EPG5: variants seen among roughly 807,000 people sequenced by gnomAD.
The protein encoded by EPG5 is ectopic P-granules 5 autophagy tethering factor, also known as ectopic P granules protein 5 homolog.
Under a neutral mutation model 302.7 loss-of-function variants are expected in EPG5, and 159 were observed. The ratio of observed to expected loss-of-function variants is 0.53; its 90% confidence interval spans 0.46 to 0.60. EPG5 has a LOEUF of 0.60. EPG5 is among the 20% of genes least tolerant of loss of function. The probability of loss-of-function intolerance (pLI) is 0.00; values close to 1 mark genes in which losing one functional copy is unlikely to be tolerated. For missense variants in EPG5, 2,896 were observed against 3,092.4 expected, an observed-to-expected ratio of 0.94 and a Z score of 1.51; for synonymous variants, 1,158 against 1,136.8, an observed-to-expected ratio of 1.02 and a Z score of -0.37.
At chr18:45,918,653 A>G (rs1343508073) in intron 16 of EPG5, among the ~76,000 whole-genome samples, 1 of 152,238 alleles carries the variant, frequency 6.6e-6, no homozygotes, top group Non-Finnish European at 1.5e-5. Context: ...GACTTAAGGC[A>G]ATTTTAGAAA....
chr18:45,884,440 C>A (rs1419917280), intron 30 of EPG5, among the ~76,000 whole-genome samples, 177 bp downstream of exon 30: 3 of 152,154 alleles, frequency 2.0e-5, no homozygotes, highest in Admixed American at 1.3e-4. Flanking sequence ...TGCCCCACCC[C>A]CTAAGAAGCA....
chr18:45,804,287 G>T, the EPG5 span, among the ~76,000 whole-genome samples: 1 of 152,040 alleles, frequency 6.6e-6, no homozygotes, highest in Non-Finnish European at 1.5e-5. Context: ...GTACCTAAAG[G>T]GTGGTATTGA....
chr18:45,870,683 C>T lies in EPG5; in HGVS notation c.6109G>A (p.Ala2037Thr). The stretch of plus-strand genomic sequence containing the variant: ...TCTGGCATTTTGGGTGCTGTACATG[C>T]TTCACAATAATGCATCAGGTGCAAC... ...LWLHLMHYCE[A>T]CTAPKMPEFI... Residue 2037 changes from alanine (A) to threonine (T), a missense_variant, in exon 36 of 44, where the codon GCA becomes ACA. Physicochemically the swap from Ala to Thr is moderately conservative, Grantham distance 58 (BLOSUM62 0). This residue lies in a region of EPG5 where 620 missense variants were observed against 704.2 expected (regional missense o/e 0.88). Transcript: ENST00000282041. 2 of 1,613,242 alleles carry T rather than the reference C, an allele frequency of 1.2e-6. No homozygotes were observed. Among genetic ancestry groups the T allele is most frequent in the Non-Finnish European group, 1.7e-6 (2 of 1,179,688 alleles).
Position 45,938,449 on chromosome 18 carries a change from G to A in EPG5, c.2099+1151C>T, listed in dbSNP as rs1448823437. Reference sequence around the variant, plus strand: ...TACACTCCAGCCTGGGCAACAAAGTGAGACTCCATCTCAAAAAAAAAAAAA... The same window carrying A: ...TACACTCCAGCCTGGGCAACAAAGTAAGACTCCATCTCAAAAAAAAAAAAA... On this transcript the variant is annotated intron_variant, in intron 10 of 43. Transcript: ENST00000282041. Among the ~76,000 whole-genome samples the A allele has an allele frequency of 2.8e-5, 4 of 141,884 alleles. No individual in the cohort carries two copies. The South Asian group carries it at 8.9e-4, about 32-fold the overall frequency. 93.1% of individuals were successfully genotyped at this position (141,884 alleles called of 152,430 possible). A position where few individuals can be genotyped will look rare whatever the true frequency, so the allele number is the denominator to read the frequency against.
the EPG5 span, among the ~76,000 whole-genome samples, chr18:45,839,930 C>A: frequency 6.6e-6 from 1 of 152,142 alleles, no homozygotes; most frequent in East Asian, 1.9e-4. Flanking sequence ...GCTGTGGCCA[C>A]AATGGCTTTC....
At chr18:45,839,116 G>A in the EPG5 span, 3 of 1,365,182 alleles carry the variant, frequency 2.2e-6, no homozygotes, top group East Asian at 6.1e-5. Flanking sequence ...CCCAGACACG[G>A]GTGGCCGCGA....
chr18:45,909,996 G>GT (rs1257142383), intron 23 of EPG5, among the ~76,000 whole-genome samples: 1 of 151,866 alleles, frequency 6.6e-6, no homozygotes, highest in Non-Finnish European at 1.5e-5. Flanking sequence ...TTCTAGCAAG[G>GT]TTTTTTTGTA....
rs763310193 is a variant in EPG5 at position 45,889,958 on chromosome 18, T to C, written c.4810-18A>G. On this transcript the variant is annotated intron_variant, in intron 27 of 43. Coordinates refer to ENST00000282041, the MANE Select transcript of EPG5 (RefSeq NM_020964.3). ...CCTTCAAACTAACAAAAATTAAAGT[T>C]ATCAAAAGACATTTCCCCCCATGTG... The C allele has an allele frequency of 1.0e-5, 16 of 1,547,112 alleles. No homozygotes were observed.
chr18:45,830,689 G>A, the EPG5 span, among the ~76,000 whole-genome samples: 7 of 140,566 alleles, frequency 5.0e-5, no homozygotes, highest in South Asian at 2.3e-4. Flanking sequence ...AGGTTCAAGC[G>A]AGTCTCCTGC....
rs9965714 is a variant in EPG5, at chr18:45,916,155, A to G, written c.3436T>C (p.Leu1146=). The change falls in exon 19 of 44, where the codon TTG becomes CTG. Residue 1146 remains leucine, a synonymous_variant. Coordinates refer to ENST00000282041, the MANE Select transcript of EPG5 (RefSeq NM_020964.3). ...ATGAGAGCCTGAACCCAGAACTCCA[A>G]CACAGCAACGGGGCCCACTTCATTG... ...QPNEVGPVAV[L]EFWVQALISQ... The G allele has an allele frequency of 6.4e-4, 1,033 of 1,614,118 alleles. 6 individuals carry two copies. In the African/African-American group the frequency reaches 0.012, roughly 19 times the overall value.
In EPG5 at chr18:45,879,224, A is replaced by C; in HGVS notation, c.5668-10T>G. 1 of 1,586,678 alleles carries C rather than the reference A, an allele frequency of 6.3e-7. No individual in the cohort carries two copies. The highest frequency in any genetic ancestry group is 2.2e-5 in the East Asian group (1 of 44,748). On this transcript the variant is annotated splice_polypyrimidine_tract_variant and intron_variant, in intron 32 of 43. Coordinates refer to ENST00000282041, the MANE Select transcript of EPG5 (RefSeq NM_020964.3). ...GTATAGTCTCCATTACCTGGAAGAG[A>C]CAACTAGTCAAAAAATGCTTACTAA...
At chr18:45,837,182 G>A in the EPG5 span, 3 of 1,550,862 alleles carry the variant, frequency 1.9e-6, no homozygotes, top group Admixed American at 3.8e-5. Flanking sequence ...AGGTTTTGAT[G>A]GGGAAAAACT....
At chr18:45,883,617 T>G (rs1020596379) in intron 30 of EPG5, among the ~76,000 whole-genome samples, 4 of 81,500 alleles carry the variant, frequency 4.9e-5, no homozygotes, top group South Asian at 3.8e-4. Flanking sequence ...GCCTGGTGTT[T>G]TTTTTTTTTT....
rs1451661239 is a variant in EPG5 at position 45,930,668 on chromosome 18, A to T, written c.2412+8T>A. ...TTTTAGCTGATTTATAAAACTTCAT[A>T]TTCTAACCTCATATATCTCCAGAAC... On this transcript the variant is annotated splice_region_variant and intron_variant, in intron 12 of 43. Coordinates refer to ENST00000282041, the MANE Select transcript of EPG5 (RefSeq NM_020964.3). The T allele has an allele frequency of 1.9e-6, 3 of 1,556,392 alleles. No homozygotes were observed. Among genetic ancestry groups the T allele is most frequent in the South Asian group, 2.4e-5 (2 of 82,252 alleles).
the EPG5 span, among the ~76,000 whole-genome samples, chr18:45,826,650 G>A: frequency 3.6e-3 from 550 of 152,170 alleles, 3 homozygotes; most frequent in African/African-American, 0.011. Context: ...CTGTATGCTC[G>A]GCCATCACAG....
chr18:45,837,875 G>C, the EPG5 span: 1 of 1,530,370 alleles, frequency 6.5e-7, no homozygotes, highest in Non-Finnish European at 8.7e-7. Flanking sequence ...GAGCCGCCAC[G>C]GCGTCCGGCT....
intron 1 of EPG5, among the ~76,000 whole-genome samples, chr18:45,960,673 G>T (rs796755618): frequency 1.3e-5 from 2 of 152,120 alleles, no homozygotes; most frequent in African/African-American, 4.8e-5. Context: ...AAAACCTAAA[G>T]AAAAATACAA....
chr18:45,899,814 A>G (rs995770832), intron 26 of EPG5, among the ~76,000 whole-genome samples: 2 of 152,216 alleles, frequency 1.3e-5, no homozygotes, highest in African/African-American at 4.8e-5. Flanking sequence ...CCACAAACAA[A>G]GCTCCATTTA....
chr18:45,916,940 G>C (rs1256419197), intron 17 of EPG5: 1 of 163,206 alleles, frequency 6.1e-6, no homozygotes, highest in African/African-American at 2.4e-5. Flanking sequence ...TCATACCCAG[G>C]GTGCTGATTC....
Sources: allele counts gnomAD v4.1 joint callset (sites outside exome capture counted in the v4.1 genomes callset), GRCh38; gene constraint gnomAD v4.1.1; regional missense constraint gnomAD v4.1.1; transcripts MANE v1.5; gene names NCBI Gene and HGNC (gene_info 2026-07-23, HGNC 2026-07-21).